Variants in PDE1A observed in about 807,000 individuals in gnomAD.
PDE1A encodes the protein dual specificity calcium/calmodulin-dependent 3',5'-cyclic nucleotide phosphodiesterase 1A.
A neutral mutation model predicts 61.7 loss-of-function variants in PDE1A; 35 were observed. The ratio of observed to expected loss-of-function variants is 0.57; its 90% CI spans 0.43 to 0.75. The LOEUF (loss-of-function observed/expected upper bound fraction) is 0.75, where lower values mean the gene tolerates loss of function less well. PDE1A is among the 30% of genes least tolerant of loss of function. PDE1A has a pLI of 0.00. For missense variants in PDE1A, 597 were observed against 630.6 expected (o/e 0.95, Z 0.57); for synonymous variants, 232 against 213.2 (o/e 1.09, Z -0.77).
chr2:182,669,621 C>A, the PDE1A span, among the ~76,000 whole-genome samples: 247 of 152,288 alleles, frequency 1.6e-3, no homozygotes, highest in Non-Finnish European at 2.9e-3. Context: ...TTAATGAACT[C>A]CCCATCACTC....
chr2:182,549,291 G>T, the PDE1A span, among the ~76,000 whole-genome samples: 1 of 151,516 alleles, frequency 6.6e-6, no homozygotes, highest in East Asian at 1.9e-4. Flanking sequence ...TTGCAAACCA[G>T]AATTACATTT....
chr2:182,463,251 T>C (rs1250263258), intron 2 of PDE1A, among the ~76,000 whole-genome samples: 1 of 150,856 alleles, frequency 6.6e-6, no homozygotes, highest in Non-Finnish European at 1.5e-5. Context: ...AAAATAAAAA[T>C]AAATAAATAA....
At chr2:182,531,906 T>C in the PDE1A span, among the ~76,000 whole-genome samples, 1 of 152,138 alleles carries the variant, frequency 6.6e-6, no homozygotes, top group East Asian at 1.9e-4. Context: ...TGTGTCCATG[T>C]GTTGCATTGT....
the PDE1A span, among the ~76,000 whole-genome samples, chr2:182,583,234 T>C: frequency 6.6e-6 from 1 of 152,196 alleles, no homozygotes; most frequent in Non-Finnish European, 1.5e-5. Flanking sequence ...ATTACGCATT[T>C]AATAAGAATT....
At chr2:182,548,500 C>G in the PDE1A span, among the ~76,000 whole-genome samples, 2 of 152,184 alleles carry the variant, frequency 1.3e-5, no homozygotes, top group East Asian at 1.9e-4. Flanking sequence ...TAAACTGTGC[C>G]GAGGTCAAAG....
intron 1 of PDE1A, among the ~76,000 whole-genome samples, chr2:182,334,583 T>C (rs533680260): frequency 1.3e-5 from 2 of 152,324 alleles, no homozygotes; most frequent in African/African-American, 4.8e-5. Flanking sequence ...CATGGCTTCA[T>C]GCTGAAAACT....
intron 10 of PDE1A, among the ~76,000 whole-genome samples, chr2:182,191,535 CA>C (rs1332156809): frequency 6.6e-6 from 1 of 151,848 alleles, no homozygotes; most frequent in Non-Finnish European, 1.5e-5. Context: ...TAGGTTGGTG[CA>C]AAAGTAATTG....
chr2:182,412,055 C>T (rs1332826821), intron 1 of PDE1A, among the ~76,000 whole-genome samples: 6 of 74,254 alleles, frequency 8.1e-5, no homozygotes, highest in African/African-American at 3.5e-4. Context: ...GAGACTCCAT[C>T]TCGAAAAAAA....
chr2:182,283,770 T>A (rs1693978575), intron 1 of PDE1A, among the ~76,000 whole-genome samples: 1 of 152,052 alleles, frequency 6.6e-6, no homozygotes, highest in Non-Finnish European at 1.5e-5. Context: ...TTCGACAAAG[T>A]TGTAAAGATT....
At chr2:182,336,960 CTTTTTTTTTT>C (rs71008221) in intron 1 of PDE1A, among the ~76,000 whole-genome samples, 2 of 146,152 alleles carry the variant, frequency 1.4e-5, no homozygotes, top group East Asian at 2.0e-4. Flanking sequence ...ACATGTATCC[CTTTTTTTTTT>C]TTTTTTAAAT....
rs141786201 is a variant in PDE1A, at chr2:182,389,553, T to C, written c.53+37025A>G. Among the ~76,000 whole-genome samples, 701 of 152,002 alleles carry C rather than the reference T, an allele frequency of 4.6e-3. 5 individuals are homozygous for C. Among genetic ancestry groups the C allele is most frequent in the South Asian group, 0.029 (138 of 4,826 alleles). On this transcript the variant is annotated intron_variant, in intron 1 of 13. Coordinates refer to ENST00000351439, the Ensembl canonical transcript of PDE1A. Reference sequence around the variant, plus strand: ...TTAAAACCAAATAACATGCAATAAATAAAATAAAACCAAATAAAAGCAAAT... The same window carrying C: ...TTAAAACCAAATAACATGCAATAAACAAAATAAAACCAAATAAAAGCAAAT...
intron 2 of PDE1A, among the ~76,000 whole-genome samples, chr2:182,481,445 A>C (rs1393671630): frequency 2.0e-5 from 3 of 151,922 alleles, no homozygotes; most frequent in African/African-American, 7.2e-5. Context: ...ACATTTGACT[A>C]TGAAGTCTGA....
chr2:182,264,448 C>A (rs990289647), intron 1 of PDE1A, 34 bp from the exon 2 acceptor site: 15 of 1,481,130 alleles, frequency 1.0e-5, no homozygotes, highest in Non-Finnish European at 1.3e-5. Flanking sequence ...AGAGAAAGAG[C>A]AAGGAATTTA....
chr2:182,207,231 G>A (rs1273232753), intron 7 of PDE1A, among the ~76,000 whole-genome samples: 1 of 152,204 alleles, frequency 6.6e-6, no homozygotes, highest in Non-Finnish European at 1.5e-5. Flanking sequence ...TAGTGATACA[G>A]ACAGTGAAGA....
At chr2:182,365,535 C>T (rs1202816507) in intron 1 of PDE1A, among the ~76,000 whole-genome samples, 3 of 151,950 alleles carry the variant, frequency 2.0e-5, no homozygotes, top group Admixed American at 2.0e-4. Flanking sequence ...ATAAAATTAA[C>T]AGCAATGCCT....
intron 1 of PDE1A, among the ~76,000 whole-genome samples, chr2:182,281,609 A>C (rs1016259131): frequency 1.3e-5 from 2 of 152,014 alleles, no homozygotes. Flanking sequence ...CTCTATGTAC[A>C]CCATATTCAA....
At chr2:182,344,416 T>C (rs1218953292) in intron 1 of PDE1A, among the ~76,000 whole-genome samples, 1 of 152,178 alleles carries the variant, frequency 6.6e-6, no homozygotes, top group African/African-American at 2.4e-5. Flanking sequence ...TCAATCTTCC[T>C]AGCTATTGTA....
chr2:182,204,181 T>C (rs935717647), intron 8 of PDE1A, among the ~76,000 whole-genome samples: 10 of 152,320 alleles, frequency 6.6e-5, no homozygotes, highest in African/African-American at 2.4e-4. Flanking sequence ...TGGTAATCAC[T>C]GATTAAGAAA....
At chr2:182,142,728 C>G (rs531620046), downstream of PDE1A, 1 of 152,272 alleles carries the variant, frequency 6.6e-6, no homozygotes, top group East Asian at 1.9e-4. Flanking sequence ...ATGTATTGCA[C>G]AGTCATTATG....
Sources: gnomAD v4.1 joint callset for allele counts (sites outside exome capture counted in the v4.1 genomes callset) on GRCh38, gnomAD v4.1.1 for gene constraint, MANE v1.5 for transcripts, NCBI Gene and HGNC (gene_info 2026-07-23, HGNC 2026-07-21) for gene names.